GPM6A: variants seen among roughly 807,000 people sequenced by gnomAD.
GPM6A encodes the protein glycoprotein M6A.
Under a neutral mutation model 32.1 loss-of-function variants are expected in GPM6A, and 7 were observed. That is an observed-to-expected ratio of 0.22 (90% CI 0.12 to 0.41). The LOEUF (loss-of-function observed/expected upper bound fraction) is 0.41. Among genes scored for constraint, GPM6A ranks in the 10% least tolerant of loss-of-function variants. GPM6A has a pLI of 1.00. For missense variants in GPM6A, 235 were observed against 347.2 expected, an observed-to-expected ratio of 0.68 and a Z score of 2.57; for synonymous variants, 130 against 123.4, an observed-to-expected ratio of 1.05 and a Z score of -0.35.
chr4:175,922,352 T>G (rs750168678), intron 1 of GPM6A, among the ~76,000 whole-genome samples: 48 of 152,196 alleles, frequency 3.2e-4, no homozygotes, highest in Non-Finnish European at 5.6e-4. Context: ...AATAGATTTT[T>G]ACCTCCTCCA....
rs138248018 is a variant in GPM6A at position 175,984,023 on chromosome 4, T to TCACACA, written c.-23+18280_-23+18285dup. Among the ~76,000 whole-genome samples, 1,290 of 150,286 alleles carry TCACACA rather than the reference T, an allele frequency of 8.6e-3. 17 individuals are homozygous for TCACACA. The highest frequency in any genetic ancestry group is 0.03 in the African/African-American group (1,214 of 41,048). ...CTCTCTCTCTCTGTCTCTCTCTCTG[T>TCACACA]CACACACACACACACACTCACACAC... On this transcript the variant is annotated intron_variant, in intron 1 of 7. Transcript: ENST00000280187.
chr4:175,706,595 C>A (rs909527576), intron 1 of GPM6A, among the ~76,000 whole-genome samples: 2 of 152,188 alleles, frequency 1.3e-5, no homozygotes, highest in African/African-American at 4.8e-5. Context: ...TCATTTTTGT[C>A]ATTATCAAGT....
At chr4:175,781,639 CT>C (rs1465669861) in intron 1 of GPM6A, among the ~76,000 whole-genome samples, 1 of 152,168 alleles carries the variant, frequency 6.6e-6, no homozygotes, top group Non-Finnish European at 1.5e-5. Flanking sequence ...CACTTGAAAC[CT>C]TTAACTAGTG....
intron 1 of GPM6A, among the ~76,000 whole-genome samples, chr4:175,951,459 A>C (rs1739809033): frequency 6.6e-6 from 1 of 152,170 alleles, no homozygotes; most frequent in Non-Finnish European, 1.5e-5. Flanking sequence ...CTGGCCTATA[A>C]GTCCGAAATT....
Position 175,835,627 on chromosome 4 carries a change from G to GTATATATATA in GPM6A, c.-22-23388_-22-23379dup, listed in dbSNP as rs35980764. 7.7e-3 allele frequency among the ~76,000 whole-genome samples: 1,064 copies of GTATATATATA among 138,576 alleles called. 3 individuals are homozygous for GTATATATATA. The highest frequency in any genetic ancestry group is 9.5e-3 in the Non-Finnish European group (614 of 64,818). The allele number at this position is 138,576 out of a possible 152,430, so 90.9% of individuals were successfully genotyped here. A position where few individuals can be genotyped will look rare whatever the true frequency, so the allele number is the denominator to read the frequency against. On this transcript the variant is annotated intron_variant, in intron 1 of 7. Transcript: ENST00000280187. ...CAAGTATATGTGTGTGTGAGTGTGT[G>GTATATATATA]TATATATATATATATATATATATGC...
intron 1 of GPM6A, among the ~76,000 whole-genome samples, chr4:175,786,659 T>G (rs1007758870): frequency 4.6e-5 from 7 of 152,124 alleles, no homozygotes; most frequent in African/African-American, 1.7e-4. Context: ...AGAACTAATA[T>G]GATATGTGTG....
At chr4:175,827,501 CAGA>C (rs1735475737) in intron 1 of GPM6A, among the ~76,000 whole-genome samples, 1 of 152,216 alleles carries the variant, frequency 6.6e-6, no homozygotes, top group South Asian at 2.1e-4. Flanking sequence ...GACTAGAACC[CAGA>C]AGGTCTGGTT....
chr4:175,670,990 A>G (rs2110975794), intron 3 of GPM6A, among the ~76,000 whole-genome samples: 1 of 151,526 alleles, frequency 6.6e-6, no homozygotes, highest in Non-Finnish European at 1.5e-5. Flanking sequence ...CAGCCTCCCA[A>G]GTAGCTGGAA....
At chr4:175,957,434 A>G (rs998042346) in intron 1 of GPM6A, among the ~76,000 whole-genome samples, 36 of 152,216 alleles carry the variant, frequency 2.4e-4, no homozygotes, top group African/African-American at 8.4e-4. Flanking sequence ...TGATTACAGT[A>G]CCATCATTCT....
intron 1 of GPM6A, among the ~76,000 whole-genome samples, chr4:175,751,089 G>T (rs935308023): frequency 3.3e-5 from 5 of 152,136 alleles, no homozygotes; most frequent in African/African-American, 1.2e-4. Flanking sequence ...GAAAAAAGAT[G>T]TGCATAATCT....
In GPM6A at chr4:175,636,064, G is replaced by A. The variant is rs374967085; in HGVS notation, c.685-1007C>T. On this transcript the variant is annotated intron_variant, in intron 6 of 6. Coordinates refer to ENST00000393658, the MANE Select transcript of GPM6A (RefSeq NM_201591.3). ...GGTGTGTTCAGGTAGTCAACAAACA[G>A]CAAAAAACAAAATAATTTTGACACG... Among the ~76,000 whole-genome samples, 289 of 151,626 alleles carry A rather than the reference G, an allele frequency of 1.9e-3. 1 individual carries two copies. The highest frequency in any genetic ancestry group is 6.8e-3 in the Middle Eastern group (2 of 294).
chr4:175,958,806 A>T (rs1579664414), intron 1 of GPM6A, among the ~76,000 whole-genome samples: 2 of 152,214 alleles, frequency 1.3e-5, no homozygotes, highest in East Asian at 3.8e-4. Flanking sequence ...GGTTTCACTC[A>T]ACAAAATCAC....
intron 1 of GPM6A, among the ~76,000 whole-genome samples, chr4:175,756,712 G>A (rs1012024588): frequency 6.6e-6 from 1 of 152,030 alleles, no homozygotes; most frequent in South Asian, 2.1e-4. Flanking sequence ...TAAAACACCT[G>A]TACACGGTGG....
chr4:175,886,462 G>C (rs1399924203), intron 1 of GPM6A, among the ~76,000 whole-genome samples: 3 of 151,918 alleles, frequency 2.0e-5, no homozygotes, highest in Non-Finnish European at 4.4e-5. Flanking sequence ...AACCCTGAAG[G>C]AGTTCCTAAC....
chr4:175,637,283 A>G (rs867549325), intron 6 of GPM6A, among the ~76,000 whole-genome samples: 1 of 60,704 alleles, frequency 1.6e-5, no homozygotes. Flanking sequence ...ATTATATATT[A>G]TATAAAATAT....
Position 175,645,490 on chromosome 4 carries a change from G to A in GPM6A, c.542-4661C>T, listed in dbSNP as rs190127243. Among the ~76,000 whole-genome samples, 17 of 152,202 alleles carry A rather than the reference G, an allele frequency of 1.1e-4. No individual in the cohort carries two copies. In the East Asian group the frequency reaches 2.9e-3, roughly 26 times the overall value. ...AATCCCAGCACTTCGGGAGGCCAAGGCAGGTGGATCATTTGAGGTCAGGAG... is the reference window on the plus strand; with the variant it reads ...AATCCCAGCACTTCGGGAGGCCAAGACAGGTGGATCATTTGAGGTCAGGAG... On this transcript the variant is annotated intron_variant, in intron 4 of 6. Coordinates refer to ENST00000393658, the MANE Select transcript of GPM6A (RefSeq NM_201591.3).
intron 2 of GPM6A, among the ~76,000 whole-genome samples, chr4:175,677,640 T>C (rs773657333): frequency 2.0e-5 from 3 of 152,198 alleles, no homozygotes; most frequent in Non-Finnish European, 4.4e-5. Flanking sequence ...CATTTTAATC[T>C]CTAAAAACTA....
intron 1 of GPM6A, among the ~76,000 whole-genome samples, chr4:175,786,604 C>T (rs1386732612): frequency 1.3e-5 from 2 of 152,094 alleles, no homozygotes; most frequent in Admixed American, 1.3e-4. Flanking sequence ...CTTTATCACT[C>T]AAGCACATGA....
At chr4:175,880,868 AC>A (rs1333616476) in intron 1 of GPM6A, among the ~76,000 whole-genome samples, 5 of 152,110 alleles carry the variant, frequency 3.3e-5, no homozygotes, top group African/African-American at 4.8e-5. Context: ...CTAATTGAAT[AC>A]CCTTTATTTC....
Sources: gnomAD v4.1 joint callset for allele counts (sites outside exome capture counted in the v4.1 genomes callset) on GRCh38, gnomAD v4.1.1 for gene constraint, MANE v1.5 for transcripts, NCBI Gene and HGNC (gene_info 2026-07-23, HGNC 2026-07-21) for gene names.